Variants in NPHP4 observed in about 807,000 individuals in gnomAD.
NPHP4 encodes the protein nephrocystin-4.
In NPHP4, 151 loss-of-function variants were observed where a neutral mutation model predicts 155.8. The ratio of observed to expected loss-of-function variants is 0.97; its 90% CI spans 0.85 to 1.11. The LOEUF (loss-of-function observed/expected upper bound fraction) is 1.11, where lower values mean the gene tolerates loss of function less well. NPHP4 is among the 50% of genes least tolerant of loss of function. The pLI is 0.00. For missense variants in NPHP4, 1,956 were observed against 1,925.7 expected (o/e 1.02, Z -0.29); for synonymous variants, 845 against 816.8 (o/e 1.03, Z -0.59).
Position 5,986,203 on chromosome 1 carries a change from C to G in NPHP4, c.87G>C (p.Thr29=). 1 of 1,613,878 alleles carries G rather than the reference C, an allele frequency of 6.2e-7. No homozygotes were observed. The highest frequency in any genetic ancestry group is 1.1e-5 in the South Asian group (1 of 91,046). Residue 29 remains threonine (T), a synonymous_variant, in exon 2 of 30, where the codon ACG becomes ACC. Transcript: ENST00000378156. The stretch of plus-strand genomic sequence containing the variant: ...GCCACTTGAGGACACACTGGAATGC[C>G]GTGGATTCCTTCCAAGGCTGGCGCG... The part of the protein sequence containing the change: ...QRARQPWKES[T]AFQCVLKWLD...
intron 6 of NPHP4, among the ~76,000 whole-genome samples, chr1:5,957,576 A>G (rs1261360603): frequency 7.2e-6 from 1 of 139,326 alleles, no homozygotes; most frequent in African/African-American, 2.7e-5. Flanking sequence ...CAACAGTGGG[A>G]TATTTAATTC....
intron 1 of NPHP4, 67 bp downstream of exon 1, chr1:5,992,177 C>T (rs1194933815): frequency 6.6e-6 from 1 of 152,132 alleles, no homozygotes; most frequent in Non-Finnish European, 1.5e-5. Flanking sequence ...CCCTGTGCCT[C>T]GAGGCCGCGT....
chr1:5,920,789 C>T (rs1033123772), intron 11 of NPHP4, among the ~76,000 whole-genome samples: 11 of 152,196 alleles, frequency 7.2e-5, no homozygotes, highest in African/African-American at 2.7e-4. Flanking sequence ...TTGCAAATAT[C>T]TTTCAGCCTG....
At chr1:5,967,223 T>G in intron 5 of NPHP4, 76 bp downstream of exon 5, 1 of 1,115,364 alleles carries the variant, frequency 9.0e-7, no homozygotes, top group South Asian at 1.3e-5. Context: ...AAGATCCCAT[T>G]CAGAGCTAAA....
chr1:5,983,640 G>A (rs776303784), intron 2 of NPHP4, among the ~76,000 whole-genome samples: 1 of 152,156 alleles, frequency 6.6e-6, no homozygotes, highest in Non-Finnish European at 1.5e-5. Flanking sequence ...CCTTAGCTGA[G>A]AGTATGACTA....
intron 3 of NPHP4, among the ~76,000 whole-genome samples, chr1:5,970,536 A>G (rs1336776639): frequency 1.3e-5 from 2 of 152,152 alleles, no homozygotes; most frequent in East Asian, 3.9e-4. Flanking sequence ...GCCGTAGCAC[A>G]GTAGACAGAG....
rs1034288188 is a variant in NPHP4, at chr1:5,892,499, C to T, written c.2144-1471G>A. Among the ~76,000 whole-genome samples, 6 of 152,080 alleles carry T rather than the reference C, an allele frequency of 3.9e-5. No individual in the cohort carries two copies. The highest frequency in any genetic ancestry group is 1.4e-4 in the African/African-American group (6 of 41,404). ...TGCAGGGCCTCCCACATGGTGGGGG[C>T]GCAGTTATTTGTTTGCTGAGTAAGT... On this transcript the variant is annotated intron_variant, in intron 16 of 29. Coordinates refer to ENST00000378156, the MANE Select transcript of NPHP4 (RefSeq NM_015102.5). This position sits in a 1 kb window ranked among gnomAD's most constrained non-coding sequence, Gnocchi z 4.5.
rs117641310 is a variant in NPHP4, at chr1:5,939,799, C to T, written c.1120-6470G>A. On this transcript the variant is annotated intron_variant, in intron 9 of 29. Transcript: ENST00000378156. ...TGGCCCCAGGCCTGCTGTGAGACCGCGTTGTCTATGAGCTTGGATTTAAGG... is the reference window on the plus strand; with the variant it reads ...TGGCCCCAGGCCTGCTGTGAGACCGTGTTGTCTATGAGCTTGGATTTAAGG... Among the ~76,000 whole-genome samples, 3 of 152,294 alleles carry T rather than the reference C, an allele frequency of 2.0e-5. No homozygotes were observed. The East Asian group carries it at 5.8e-4, about 29-fold the overall frequency.
intron 9 of NPHP4, among the ~76,000 whole-genome samples, chr1:5,939,803 G>T (rs951442626): frequency 4.6e-5 from 7 of 152,230 alleles, no homozygotes; most frequent in African/African-American, 1.7e-4. Context: ...AGACCGCGTT[G>T]TCTATGAGCT....
intron 11 of NPHP4, among the ~76,000 whole-genome samples, chr1:5,912,526 A>C (rs1645235857): frequency 6.9e-6 from 1 of 145,914 alleles, no homozygotes; most frequent in Non-Finnish European, 1.5e-5. Context: ...CAACACAGTG[A>C]GACTCCGTCT....
rs148865546 is a variant in NPHP4, at chr1:5,884,172, G to A, written c.2485+3114C>T. Among the ~76,000 whole-genome samples, 409 of 152,202 alleles carry A rather than the reference G, an allele frequency of 2.7e-3. 5 individuals carry two copies. Among genetic ancestry groups the A allele is most frequent in the African/African-American group, 9.3e-3 (386 of 41,528 alleles). ...ACCTTCCATGAAACAGGTTACACCC[G>A]CACCAACACGTTTGCTGCAGGGGCA... is the stretch of plus-strand genomic sequence containing the variant. On this transcript the variant is annotated intron_variant, in intron 18 of 29. Coordinates refer to ENST00000378156, the MANE Select transcript of NPHP4 (RefSeq NM_015102.5).
chr1:5,964,941 A>ATATATATATATATTTTTTT, intron 5 of NPHP4, among the ~76,000 whole-genome samples: 1 of 59,402 alleles, frequency 1.7e-5, no homozygotes, highest in African/African-American at 8.5e-5. Flanking sequence ...ATATATATAT[A>ATATATATATATATTTTTTT]TTTTTTTTTT....
At chr1:5,936,592 C>T (rs1000694339) in intron 9 of NPHP4, among the ~76,000 whole-genome samples, 1 of 152,098 alleles carries the variant, frequency 6.6e-6, no homozygotes, top group Non-Finnish European at 1.5e-5. Flanking sequence ...ACCAAATACA[C>T]AAGTACAAAT....
intron 7 of NPHP4, among the ~76,000 whole-genome samples, chr1:5,951,049 C>A (rs1570599859): frequency 6.6e-6 from 1 of 152,302 alleles, no homozygotes; most frequent in African/African-American, 2.4e-5. Flanking sequence ...AAAGATAGGT[C>A]AAAAGCAGGC....
chr1:5,916,524 G>A lies in NPHP4; in HGVS notation c.1442-7311C>T, dbSNP rs574029045. On this transcript the variant is annotated intron_variant, in intron 11 of 29. Transcript: ENST00000378156. ...ATTAAATAAACTCAGTGAAATCAGG[G>A]TCCATCCATGTAGATTTGCTGGTCC... Among the ~76,000 whole-genome samples, 12 of 152,278 alleles carry A rather than the reference G, an allele frequency of 7.9e-5. No homozygotes were observed. The East Asian group carries it at 1.9e-3, about 25-fold the overall frequency.
chr1:5,987,601 G>A (rs1201119063), intron 1 of NPHP4, among the ~76,000 whole-genome samples: 3 of 152,028 alleles, frequency 2.0e-5, no homozygotes, highest in Non-Finnish European at 2.9e-5. Flanking sequence ...TGGTGAAGCC[G>A]GAAAAACTAT....
chr1:5,870,520 T>C (rs1019439463), intron 23 of NPHP4, among the ~76,000 whole-genome samples: 13 of 152,306 alleles, frequency 8.5e-5, no homozygotes, highest in African/African-American at 9.6e-5. Context: ...CAGTGCACAC[T>C]GACACCTAGT....
chr1:5,877,467 A>G (rs1642737870), intron 19 of NPHP4, 169 bp from the exon 20 acceptor site: 2 of 474,858 alleles, frequency 4.2e-6, no homozygotes, highest in Non-Finnish European at 7.6e-6. Flanking sequence ...GATAAAGATG[A>G]TAACTTTATA....
rs530268079 is a variant in NPHP4 at position 5,922,206 on chromosome 1, AT to A, written c.1441+5442del. Among the ~76,000 whole-genome samples, 560 of 152,252 alleles carry A rather than the reference AT, an allele frequency of 3.7e-3. 1 individual carries two copies. The highest frequency in any genetic ancestry group is 0.012 in the African/African-American group (516 of 41,558). Reference sequence around the variant, plus strand: ...GCAGCTGGAAAAGGAGAGGAAATGGATTTTCCCCTGGAGCCTCCAGAAGGAG... The same window carrying A: ...GCAGCTGGAAAAGGAGAGGAAATGGATTTCCCCTGGAGCCTCCAGAAGGAG... On this transcript the variant is annotated intron_variant, in intron 11 of 29. Coordinates refer to ENST00000378156, the MANE Select transcript of NPHP4 (RefSeq NM_015102.5).
Sources: allele counts gnomAD v4.1 joint callset (sites outside exome capture counted in the v4.1 genomes callset), GRCh38; gene constraint gnomAD v4.1.1; non-coding constraint Gnocchi (gnomAD v3.1); transcripts MANE v1.5; gene names NCBI Gene and HGNC (gene_info 2026-07-23, HGNC 2026-07-21).